The following MYRFL variants were observed in gnomAD, a reference collection of about 807,000 sequenced individuals.
MYRFL encodes the protein myelin regulatory factor-like protein.
Under a neutral mutation model 109.4 loss-of-function variants are expected in MYRFL, and 88 were observed. The ratio of observed to expected loss-of-function variants is 0.80; its 90% CI spans 0.68 to 0.96. The LOEUF is 0.96. Ranked by LOEUF, MYRFL falls within the 40% of genes least tolerant of loss-of-function variation. MYRFL has a pLI of 0.00. For synonymous variants in MYRFL, 324 were observed against 320.9 expected, an observed-to-expected ratio of 1.01 and a Z score of -0.10; for missense variants, 957 against 954.9, an observed-to-expected ratio of 1.00 and a Z score of -0.03.
rs578177742 is a variant in MYRFL at position 69,932,566 on chromosome 12, G to A, written c.1884G>A (p.Leu628=). The part of the protein sequence containing the change: ...QACPNWVFQT[L]VITLIAVMAF... ...GTCCTAATTGGGTTTTCCAGACCTT[G>A]GTTATAACTCTGATTGCTGTGATGG... is the stretch of plus-strand genomic sequence containing the variant. Residue 628 remains leucine (L), a synonymous_variant, in exon 16 of 25, where the codon TTG becomes TTA. Coordinates refer to ENST00000552032, the MANE Select transcript of MYRFL (RefSeq NM_182530.3). 4 of 1,535,962 alleles carry A rather than the reference G, an allele frequency of 2.6e-6. No homozygotes were observed. The highest frequency in any genetic ancestry group is 2.7e-5 in the African/African-American group (2 of 73,130).
intron 2 of MYRFL, among the ~76,000 whole-genome samples, chr12:69,872,693 GT>G (rs967388412): frequency 2.0e-5 from 3 of 151,996 alleles, no homozygotes; most frequent in African/African-American, 2.4e-5. Flanking sequence ...TAGAGATGGG[GT>G]TTCACCATGT....
intron 19 of MYRFL, among the ~76,000 whole-genome samples, chr12:69,944,631 G>A (rs964620813): frequency 3.3e-5 from 5 of 151,596 alleles, no homozygotes; most frequent in South Asian, 2.1e-4. Flanking sequence ...ACATGTATAC[G>A]TATGTTACTA....
intron 1 of MYRFL, among the ~76,000 whole-genome samples, chr12:69,854,153 C>T (rs548727847): frequency 8.5e-5 from 13 of 152,276 alleles, no homozygotes; most frequent in East Asian, 5.8e-4. Context: ...GAGACCAGTC[C>T]GGCCAACACG....
chr12:69,875,642 C>CAGCGGCATTAG (rs1192679081), intron 2 of MYRFL, among the ~76,000 whole-genome samples: 1 of 152,210 alleles, frequency 6.6e-6, no homozygotes, highest in Admixed American at 6.5e-5. Context: ...GTCAGATCAG[C>CAGCGGCATTAG]AGCGGCATTA....
intron 1 of MYRFL, among the ~76,000 whole-genome samples, chr12:69,826,962 C>T (rs1486676702): frequency 6.6e-6 from 1 of 152,032 alleles, no homozygotes; most frequent in Non-Finnish European, 1.5e-5. Context: ...TTTCCTTTCT[C>T]TTGACCCTTT....
At chr12:69,826,967 C>T (rs1229419222) in intron 1 of MYRFL, among the ~76,000 whole-genome samples, 2 of 152,028 alleles carry the variant, frequency 1.3e-5, no homozygotes, top group African/African-American at 4.8e-5. Flanking sequence ...TTTCTCTTGA[C>T]CCTTTTCAAA....
Position 69,859,812 on chromosome 12 carries a change from A to G in MYRFL, c.137+4442A>G, listed in dbSNP as rs188522189. On this transcript the variant is annotated intron_variant, in intron 2 of 24. Coordinates refer to ENST00000552032, the MANE Select transcript of MYRFL (RefSeq NM_182530.3). ...TGTGGAGAAACAGGAACACTTTTAC[A>G]CTGTTGGTAGGAACGTAAACTAGTT... Among the ~76,000 whole-genome samples the G allele has an allele frequency of 2.6e-3, 393 of 152,250 alleles. 5 individuals are homozygous for G. The highest frequency in any genetic ancestry group is 8.7e-3 in the African/African-American group (362 of 41,544).
intron 10 of MYRFL, among the ~76,000 whole-genome samples, chr12:69,898,805 C>G (rs1280203460): frequency 1.3e-5 from 2 of 152,214 alleles, no homozygotes; most frequent in Non-Finnish European, 2.9e-5. Context: ...TTGCTGCTGA[C>G]AGCTCCTGCA....
rs185789635 is a variant in MYRFL at position 69,853,417 on chromosome 12, C to T, written c.47-1863C>T. Reference sequence around the variant, plus strand: ...CTCAGACGGGGCGGCCGGGCAGAGACGCTCCTCACCTCCCAGACGGGGTGG... The same window carrying T: ...CTCAGACGGGGCGGCCGGGCAGAGATGCTCCTCACCTCCCAGACGGGGTGG... On this transcript the variant is annotated intron_variant, in intron 1 of 24. Coordinates refer to ENST00000552032, the MANE Select transcript of MYRFL (RefSeq NM_182530.3). 4.9e-3 allele frequency among the ~76,000 whole-genome samples: 717 copies of T among 145,078 alleles called. 24 individuals are homozygous for T. Among genetic ancestry groups the T allele is most frequent in the East Asian group, 0.017 (76 of 4,578 alleles).
At chr12:69,839,541 A>G (rs1355638516) in intron 1 of MYRFL, among the ~76,000 whole-genome samples, 2 of 152,222 alleles carry the variant, frequency 1.3e-5, no homozygotes, top group Non-Finnish European at 2.9e-5. Context: ...TTGTTCAGGA[A>G]CACGTACATT....
Position 69,926,696 on chromosome 12 carries a change from T to C in MYRFL, c.1728T>C (p.Ser576=), listed in dbSNP as rs1955095676. ...NRKLARLKRL[S]SWKSSASEAS... Reference sequence around the variant, plus strand: ...AGCTGGCCCGGCTAAAGCGGCTCAGTAGTTGGAAGTCATCAGCCAGTGAAG... The same window carrying C: ...AGCTGGCCCGGCTAAAGCGGCTCAGCAGTTGGAAGTCATCAGCCAGTGAAG... Residue 576 remains serine, a synonymous_variant, in exon 14 of 25, where the codon AGT becomes AGC. Coordinates refer to ENST00000552032, the MANE Select transcript of MYRFL (RefSeq NM_182530.3). 6.6e-7 allele frequency: 1 copy of C among 1,512,538 alleles called. No individual in the cohort carries two copies. Among genetic ancestry groups the C allele is most frequent in the South Asian group, 1.3e-5 (1 of 79,940 alleles). 93.7% of individuals were successfully genotyped at this position (1,512,538 alleles called of 1,614,324 possible). A position where few individuals can be genotyped will look rare whatever the true frequency, so the allele number is the denominator to read the frequency against.
intron 11 of MYRFL, among the ~76,000 whole-genome samples, chr12:69,906,983 C>CA (rs1300291924): frequency 6.6e-6 from 1 of 152,214 alleles, no homozygotes; most frequent in African/African-American, 2.4e-5. Flanking sequence ...TCAAAGCAGA[C>CA]ACCCAAATTC....
chr12:69,897,997 C>A (rs1373767426), intron 10 of MYRFL, among the ~76,000 whole-genome samples: 1 of 152,180 alleles, frequency 6.6e-6, no homozygotes, highest in African/African-American at 2.4e-5. Context: ...CTGAAAATAC[C>A]AGAGGCATGA....
Position 69,880,370 on chromosome 12 carries a change from G to C in MYRFL, c.556+78G>C, listed in dbSNP as rs1885997012. ...AAAGCAAGGCTTTTTACCAGCCTTT[G>C]AGCAGCCCTGCAAAAGTTTCCCTCT... On this transcript the variant is annotated intron_variant, in intron 5 of 24. Transcript: ENST00000552032. The C allele has an allele frequency of 4.5e-6, 3 of 661,898 alleles. No homozygotes were observed. The East Asian group carries it at 8.2e-5, about 18-fold the overall frequency. 41.0% of individuals were successfully genotyped at this position (661,898 alleles called of 1,614,324 possible). A position where few individuals can be genotyped will look rare whatever the true frequency, so the allele number is the denominator to read the frequency against.
intron 13 of MYRFL, among the ~76,000 whole-genome samples, chr12:69,915,181 C>T (rs1386234674): frequency 6.6e-6 from 1 of 152,188 alleles, no homozygotes; most frequent in African/African-American, 2.4e-5. Context: ...CAGCGAGCCT[C>T]TTGCTTTCCT....
rs148589014 is a variant in MYRFL at position 69,937,123 on chromosome 12, G to GAC, written c.2224+503_2224+504dup. Among the ~76,000 whole-genome samples the GAC allele has an allele frequency of 5.8e-3, 879 of 151,636 alleles. 4 individuals carry two copies. The highest frequency in any genetic ancestry group is 0.01 in the Middle Eastern group (3 of 292). Reference sequence around the variant, plus strand: ...GAATAACTTTCCTCTTCCTCCTAGGGACACACACACACATACATACATACC... The same window carrying GAC: ...GAATAACTTTCCTCTTCCTCCTAGGGACACACACACACACATACATACATACC... On this transcript the variant is annotated intron_variant, in intron 19 of 24. Transcript: ENST00000552032.
chr12:69,871,061 T>C (rs968820991), intron 2 of MYRFL, among the ~76,000 whole-genome samples: 2 of 152,060 alleles, frequency 1.3e-5, no homozygotes, highest in Non-Finnish European at 2.9e-5. Context: ...ACAGAGTCAG[T>C]TACAAAATTT....
chr12:69,840,456 A>G (rs901689143), intron 1 of MYRFL, among the ~76,000 whole-genome samples: 1 of 151,984 alleles, frequency 6.6e-6, no homozygotes, highest in African/African-American at 2.4e-5. Context: ...TCTACTCCCC[A>G]AGTTGTATCA....
chr12:69,935,381 G>T (rs992781538), intron 16 of MYRFL, among the ~76,000 whole-genome samples: 57 of 152,160 alleles, frequency 3.7e-4, no homozygotes, highest in African/African-American at 1.0e-3. Flanking sequence ...TTGTGAGAGG[G>T]TTCTGAAGAT....
Sources: allele counts gnomAD v4.1 joint callset (sites outside exome capture counted in the v4.1 genomes callset), GRCh38; gene constraint gnomAD v4.1.1; transcripts MANE v1.5; gene names NCBI Gene and HGNC (gene_info 2026-07-23, HGNC 2026-07-21).